The following CNTNAP2 variants were observed in gnomAD, a reference collection of about 807,000 sequenced individuals.
CNTNAP2 encodes the protein contactin-associated protein-like 2.
In CNTNAP2, 98 loss-of-function variants were observed where a neutral mutation model predicts 155.2. The ratio of observed to expected loss-of-function variants is 0.63; its 90% CI spans 0.54 to 0.75. CNTNAP2 has a LOEUF of 0.75. Among genes scored for constraint, CNTNAP2 ranks in the 30% least tolerant of loss-of-function variants. CNTNAP2 has a pLI of 0.00. For synonymous variants in CNTNAP2, 651 were observed against 631.2 expected (o/e 1.03, Z -0.47); for missense variants, 1,727 against 1,688.1 (o/e 1.02, Z -0.40).
intron 13 of CNTNAP2, among the ~76,000 whole-genome samples, chr7:147,695,809 AT>A (rs1357161045): frequency 1.3e-5 from 2 of 152,198 alleles, no homozygotes; most frequent in African/African-American, 4.8e-5. Flanking sequence ...CTCAAAAAAA[AT>A]AAAAAACTAA....
At chr7:147,568,971 T>C (rs1800230643) in intron 12 of CNTNAP2, among the ~76,000 whole-genome samples, 1 of 152,206 alleles carries the variant, frequency 6.6e-6, no homozygotes, top group Non-Finnish European at 1.5e-5. Flanking sequence ...CATTTTTTTC[T>C]TAATTTAAGC....
At chr7:147,057,917 T>C (rs1799593182) in intron 4 of CNTNAP2, among the ~76,000 whole-genome samples, 1 of 152,176 alleles carries the variant, frequency 6.6e-6, no homozygotes, top group Admixed American at 6.5e-5. Flanking sequence ...TGCCTACATA[T>C]ATAGATCTCC....
chr7:148,190,295 T>G (rs1481015448), intron 18 of CNTNAP2: 1 of 152,158 alleles, frequency 6.6e-6, no homozygotes, highest in Non-Finnish European at 1.5e-5. Context: ...TGAAAAAGCT[T>G]TGAGATGACC....
chr7:147,899,752 G>A (rs1281628830), intron 13 of CNTNAP2, among the ~76,000 whole-genome samples: 6 of 152,042 alleles, frequency 3.9e-5, no homozygotes, highest in African/African-American at 1.2e-4. Flanking sequence ...GGGTGTGGTG[G>A]TGCATGCCTG....
intron 11 of CNTNAP2, among the ~76,000 whole-genome samples, chr7:147,559,918 C>A (rs1404063922): frequency 6.6e-6 from 1 of 151,006 alleles, no homozygotes; most frequent in Admixed American, 6.6e-5. Context: ...CGCCTATAAT[C>A]CCAGCACTTT....
chr7:146,256,133 G>A (rs965715342), intron 1 of CNTNAP2, among the ~76,000 whole-genome samples: 1 of 152,156 alleles, frequency 6.6e-6, no homozygotes, highest in Admixed American at 6.6e-5. Context: ...AACCCTACTG[G>A]AAGCTTCTTT....
chr7:147,643,854 A>G (rs1327290485), intron 13 of CNTNAP2, among the ~76,000 whole-genome samples: 1 of 152,188 alleles, frequency 6.6e-6, no homozygotes, highest in Admixed American at 6.5e-5. Context: ...ATTTTGATAA[A>G]TATTCTTTTA....
chr7:147,813,120 GAA>G (rs11291111), intron 13 of CNTNAP2, among the ~76,000 whole-genome samples: 17 of 135,878 alleles, frequency 1.3e-4, no homozygotes, highest in Admixed American at 2.2e-4. Flanking sequence ...TTCACTATTT[GAA>G]AAAAAAAAAA....
chr7:147,551,529 A>T (rs1799851413), intron 11 of CNTNAP2, among the ~76,000 whole-genome samples: 1 of 152,182 alleles, frequency 6.6e-6, no homozygotes, highest in Non-Finnish European at 1.5e-5. Context: ...CACATTTAGC[A>T]ATCATAGCAA....
At chr7:146,786,661 CTT>C (rs897402392) in intron 2 of CNTNAP2, among the ~76,000 whole-genome samples, 6 of 152,166 alleles carry the variant, frequency 3.9e-5, no homozygotes, top group Non-Finnish European at 8.8e-5. Context: ...GTTCTTGCCT[CTT>C]TAACATCAAA....
chr7:147,670,476 G>T (rs1194973551), intron 13 of CNTNAP2, among the ~76,000 whole-genome samples: 2 of 152,168 alleles, frequency 1.3e-5, no homozygotes, highest in Non-Finnish European at 2.9e-5. Context: ...CCAAAACCAT[G>T]TGTGGCCCTG....
chr7:148,055,735 CAGTTAAGAAGGAAAAGCAT>C (rs1802994589), intron 15 of CNTNAP2, among the ~76,000 whole-genome samples: 4 of 30,542 alleles, frequency 1.3e-4, no homozygotes, highest in Non-Finnish European at 8.5e-5. Context: ...TAACACATTG[CAGTTAAGAAGGAAAAGCAT>C]TGCAGTTAAG....
chr7:147,786,087 C>T (rs1005390935), intron 13 of CNTNAP2, among the ~76,000 whole-genome samples: 5 of 151,292 alleles, frequency 3.3e-5, no homozygotes, highest in Admixed American at 6.6e-5. Flanking sequence ...GTCAAGAGGT[C>T]GAGACCATCC....
chr7:148,214,998 C>T (rs1052702949), intron 18 of CNTNAP2, among the ~76,000 whole-genome samples: 2 of 152,182 alleles, frequency 1.3e-5, no homozygotes, highest in Admixed American at 6.5e-5. Context: ...CACACAGTTA[C>T]AAAAGTTTTG....
chr7:147,849,716 C>T (rs1483251191), intron 13 of CNTNAP2, among the ~76,000 whole-genome samples: 1 of 152,236 alleles, frequency 6.6e-6, no homozygotes, highest in African/African-American at 2.4e-5. Flanking sequence ...GCCAGGGACT[C>T]TGTGGACCCA....
intron 14 of CNTNAP2, among the ~76,000 whole-genome samples, chr7:147,969,258 C>G (rs996526075): frequency 6.6e-6 from 1 of 152,114 alleles, no homozygotes; most frequent in Non-Finnish European, 1.5e-5. Context: ...GCCATATTGC[C>G]CAGGCTGGTC....
chr7:146,647,653 C>T (rs949325476), intron 1 of CNTNAP2, among the ~76,000 whole-genome samples: 2 of 152,096 alleles, frequency 1.3e-5, no homozygotes, highest in African/African-American at 2.4e-5. Flanking sequence ...ATGGTGGCTG[C>T]GAAAAGAAAA....
chr7:148,069,716 C>T (rs558941922), intron 15 of CNTNAP2, among the ~76,000 whole-genome samples: 5 of 148,550 alleles, frequency 3.4e-5, no homozygotes, highest in African/African-American at 7.5e-5. Context: ...GCCAAGATTG[C>T]GCCACTGCAC....
chr7:146,343,337 CCTT>C (rs1399283709), intron 1 of CNTNAP2, among the ~76,000 whole-genome samples: 1 of 152,058 alleles, frequency 6.6e-6, no homozygotes, highest in South Asian at 2.1e-4. Flanking sequence ...TAATTTCACA[CCTT>C]CTCTCTCTGT....
Sources: allele counts gnomAD v4.1 joint callset (sites outside exome capture counted in the v4.1 genomes callset), GRCh38; gene constraint gnomAD v4.1.1; transcripts MANE v1.5; gene names NCBI Gene and HGNC (gene_info 2026-07-23, HGNC 2026-07-21).